Variants in KLF16 observed in about 807,000 individuals in gnomAD.
KLF16 encodes the protein Krueppel-like factor 16.
KLF16 carries 6 observed loss-of-function variants against 6.1 expected under a neutral mutation model. That is an observed-to-expected ratio of 0.98 (90% CI 0.54 to 1.93). The LOEUF (loss-of-function observed/expected upper bound fraction) is 1.93. Among genes scored for constraint, KLF16 ranks in the 30% most tolerant of loss-of-function variants. The pLI, the probability that KLF16 is intolerant of heterozygous loss-of-function variation, is 0.01. For missense variants in KLF16, 355 were observed against 363.8 expected, an observed-to-expected ratio of 0.98 and a Z score of 0.20; for synonymous variants, 211 against 176.5, an observed-to-expected ratio of 1.20 and a Z score of -1.55.
chr19:1,873,056 G>A, the KLF16 span, among the ~76,000 whole-genome samples: 474 of 152,240 alleles, frequency 3.1e-3, 6 homozygotes, highest in African/African-American at 0.011. Context: ...CTCAGGTCAC[G>A]GCCACCACAG....
chr19:1,872,048 C>A, the KLF16 span, among the ~76,000 whole-genome samples: 1 of 152,294 alleles, frequency 6.6e-6, no homozygotes, highest in East Asian at 1.9e-4. Context: ...CCCCCAGGCA[C>A]CCCGCTTCCT....
chr19:1,862,646 G>A, intron 1 of KLF16: 1 of 205,544 alleles, frequency 4.9e-6, no homozygotes. Flanking sequence ...GGCTGGGGGA[G>A]GGGGAGAACC....
chr19:1,866,963 C>T (rs1368035918), upstream of KLF16, among the ~76,000 whole-genome samples: 1 of 152,166 alleles, frequency 6.6e-6, no homozygotes, highest in Non-Finnish European at 1.5e-5. Context: ...CTCACCTCTA[C>T]CCTTCCCTGA....
rs1010303400 is a variant in KLF16, at chr19:1,853,544, CGTT to C, written c.*912_*914del. On this transcript the variant is annotated 3_prime_UTR_variant, in exon 2 of 2. Transcript: ENST00000250916. ...AGCGCAGCCCAACAGCCGCAGTCGT[CGTT>C]AAGGGAGAGTTGATTGTCACGTGAT... 7 of 152,680 alleles carry C rather than the reference CGTT, an allele frequency of 4.6e-5. No homozygotes were observed. The highest frequency in any genetic ancestry group is 2.0e-4 in the Admixed American group (3 of 15,284). 9.5% of individuals were successfully genotyped at this position (152,680 alleles called of 1,614,324 possible).
chr19:1,875,253 G>T, the KLF16 span: 1 of 152,174 alleles, frequency 6.6e-6, no homozygotes, highest in Non-Finnish European at 1.5e-5. Flanking sequence ...CGTTATAAAA[G>T]ACAGCAAAAA....
In KLF16 at chr19:1,863,315, C is replaced by T; in HGVS notation, c.183G>A (p.Pro61=). The change falls in exon 1 of 2, where the codon CCG becomes CCA. Residue 61 remains proline, a synonymous_variant. Coordinates refer to ENST00000250916, the MANE Select transcript of KLF16 (RefSeq NM_031918.4). ...GGCCCGGGCCAGAAGCGGCGGGGGGCGGCGGGGGTGGCCCCGGGGTCCCGG... is the reference window on the plus strand; with the variant it reads ...GGCCCGGGCCAGAAGCGGCGGGGGGTGGCGGGGGTGGCCCCGGGGTCCCGG... ...ASPGTPGPPP[P]PPAASGPGPG... 2.0e-6 allele frequency: 2 copies of T among 981,136 alleles called. No individual in the cohort carries two copies. Among genetic ancestry groups the T allele is most frequent in the Non-Finnish European group, 2.4e-6 (2 of 828,770 alleles). The allele number at this position is 981,136 out of a possible 1,614,324, so 60.8% of individuals were successfully genotyped here.
rs3746038 is a variant in KLF16, at chr19:1,852,495, C to T, written c.*1964G>A. On this transcript the variant is annotated 3_prime_UTR_variant, in exon 2 of 2. Coordinates refer to ENST00000250916, the MANE Select transcript of KLF16 (RefSeq NM_031918.4). ...CCACCCACGGAAAGCACACGCCTCT[C>T]GGAGCCGCCTCCCCTGCAAACGGCT... The T allele has an allele frequency of 0.28, 42,956 of 152,036 alleles. 6,656 individuals carry two copies. Among genetic ancestry groups the T allele is most frequent in the East Asian group, 0.42 (2,157 of 5,136 alleles). 9.4% of individuals were successfully genotyped at this position (152,036 alleles called of 1,614,324 possible). A position where few individuals can be genotyped will look rare whatever the true frequency, so the allele number is the denominator to read the frequency against.
At chr19:1,867,784 TTGAAC>T (rs2012210434), upstream of KLF16, among the ~76,000 whole-genome samples, 1 of 152,140 alleles carries the variant, frequency 6.6e-6, no homozygotes, top group Admixed American at 6.5e-5. Flanking sequence ...GGAGAATTGC[TTGAAC>T]TGGAGAGGTG....
At chr19:1,864,287 C>T (rs1040821858), upstream of KLF16, among the ~76,000 whole-genome samples, 1 of 152,132 alleles carries the variant, frequency 6.6e-6, no homozygotes, top group African/African-American at 2.4e-5. Context: ...CGACCCTTCC[C>T]CCCTCTTCTC....
intron 1 of KLF16, chr19:1,860,148 G>A (rs4806814): frequency 0.25 from 35,823 of 142,976 alleles, 5,398 homozygotes; most frequent in African/African-American, 0.44. Flanking sequence ...GGGATGCAGG[G>A]GGTTTGGAGA....
At chr19:1,862,522 C>G (rs1599196024) in intron 1 of KLF16, among the ~76,000 whole-genome samples, 1 of 149,768 alleles carries the variant, frequency 6.7e-6, no homozygotes, top group Admixed American at 6.6e-5. Context: ...GTGCCGGGCT[C>G]CCCCCATCCT....
At position 1,853,774 on chromosome 19, in the gene KLF16, C is replaced by A. The variant is rs144086390; in HGVS notation, c.*685G>T. On this transcript the variant is annotated 3_prime_UTR_variant, in exon 2 of 2. Coordinates refer to ENST00000250916, the MANE Select transcript of KLF16 (RefSeq NM_031918.4). Reference sequence around the variant, plus strand: ...TTTGGAAGAACCCAGAGGTCCCCTCCCTCCCCATCCCAGGTCTCAGAAGCA... The same window carrying A: ...TTTGGAAGAACCCAGAGGTCCCCTCACTCCCCATCCCAGGTCTCAGAAGCA... The A allele has an allele frequency of 6.6e-6, 1 of 152,622 alleles. No individual in the cohort carries two copies. Among genetic ancestry groups the A allele is most frequent in the Non-Finnish European group, 1.5e-5 (1 of 68,094 alleles). 9.5% of individuals were successfully genotyped at this position (152,622 alleles called of 1,614,324 possible).
At chr19:1,865,754 A>G (rs2012178034), upstream of KLF16, among the ~76,000 whole-genome samples, 1 of 152,112 alleles carries the variant, frequency 6.6e-6, no homozygotes, top group African/African-American at 2.4e-5. Context: ...GCTTCTATTC[A>G]CACCCCTAAG....
Position 1,863,175 on chromosome 19 carries a change from G to A in KLF16, c.323C>T (p.Ser108Leu). 6 of 1,224,162 alleles carry A rather than the reference G, an allele frequency of 4.9e-6. No homozygotes were observed. Among genetic ancestry groups the A allele is most frequent in the Non-Finnish European group, 6.2e-6 (6 of 970,268 alleles). 75.8% of individuals were successfully genotyped at this position (1,224,162 alleles called of 1,614,324 possible). ...GGGGGCGCGGCCCGAGGACGGGGAC[G>A]AGGCGGCTGAGGAGGAGGAGGCGGG... ...ASPASSSSAASSPSSGRAPGA... is the reference protein window; with the variant it reads ...ASPASSSSAALSPSSGRAPGA... Residue 108 changes from serine (S) to leucine (L), a missense_variant, in exon 1 of 2, where the codon TCG (serine) becomes TTG (leucine). Coordinates refer to ENST00000250916, the MANE Select transcript of KLF16 (RefSeq NM_031918.4).
chr19:1,854,817 A>G, intron 1 of KLF16, 57 bp from the exon 2 acceptor site: 1 of 1,567,318 alleles, frequency 6.4e-7, no homozygotes, highest in Non-Finnish European at 8.6e-7. Flanking sequence ...GAGATGACAG[A>G]CACGTTCCAG....
the KLF16 span, among the ~76,000 whole-genome samples, chr19:1,868,649 T>C: frequency 6.7e-6 from 1 of 149,980 alleles, no homozygotes; most frequent in African/African-American, 2.5e-5. Flanking sequence ...GGGCTTTTTT[T>C]TTTTTTTTTT....
At chr19:1,864,880 G>T (rs1031341848), upstream of KLF16, among the ~76,000 whole-genome samples, 3 of 152,344 alleles carry the variant, frequency 2.0e-5, no homozygotes, top group Admixed American at 6.5e-5. Flanking sequence ...CTCCGGCGGG[G>T]CGGCGGGGAC....
chr19:1,859,811 G>C (rs1011539584), intron 1 of KLF16, among the ~76,000 whole-genome samples: 1 of 152,168 alleles, frequency 6.6e-6, no homozygotes, highest in Non-Finnish European at 1.5e-5. Context: ...GATACAACTG[G>C]GGGTGACCCT....
At chr19:1,875,126 C>T in the KLF16 span, 2 of 152,178 alleles carry the variant, frequency 1.3e-5, no homozygotes, top group Non-Finnish European at 2.9e-5. Context: ...TTGGTACCAC[C>T]CCTTTAGGGG....
Sources: gnomAD v4.1 joint callset for allele counts (sites outside exome capture counted in the v4.1 genomes callset) on GRCh38, gnomAD v4.1.1 for gene constraint, MANE v1.5 for transcripts, NCBI Gene and HGNC (gene_info 2026-07-23, HGNC 2026-07-21) for gene names.